TCF4: variants seen among roughly 807,000 people sequenced by gnomAD.
The protein encoded by TCF4 is transcription factor 4.
A neutral mutation model predicts 82.1 loss-of-function variants in TCF4; 3 were observed. The observed-to-expected ratio is 0.04, with a 90% CI of 0.02 to 0.09. TCF4 has a LOEUF of 0.09. Ranked by LOEUF, TCF4 falls within the 10% of genes least tolerant of loss-of-function variation. The probability of loss-of-function intolerance (pLI) is 1.00; values close to 1 mark genes in which losing one functional copy is unlikely to be tolerated. For missense variants in TCF4, 518 were observed against 852.7 expected (o/e 0.61, Z 4.89); for synonymous variants, 276 against 309.6 (o/e 0.89, Z 1.14).
intron 8 of TCF4, among the ~76,000 whole-genome samples, chr18:55,298,026 CT>C (rs1568810135): frequency 6.6e-6 from 1 of 151,908 alleles, no homozygotes; most frequent in South Asian, 2.1e-4. Flanking sequence ...AGTGGACAGT[CT>C]TTTTTTTAAA....
chr18:55,453,883 T>C (rs907422203), intron 5 of TCF4, among the ~76,000 whole-genome samples: 9 of 150,866 alleles, frequency 6.0e-5, no homozygotes, highest in African/African-American at 2.2e-4. Flanking sequence ...CAATGGGGTC[T>C]CTCTCTGTCA....
intron 8 of TCF4, among the ~76,000 whole-genome samples, chr18:55,330,620 C>T (rs1371755682): frequency 6.6e-6 from 1 of 152,104 alleles, no homozygotes; most frequent in East Asian, 1.9e-4. Flanking sequence ...GGCTGGAGTG[C>T]AGTGGTGTGA....
At chr18:55,273,703 C>G (rs2060867986) in intron 10 of TCF4, among the ~76,000 whole-genome samples, 1 of 152,106 alleles carries the variant, frequency 6.6e-6, no homozygotes, top group Non-Finnish European at 1.5e-5. Context: ...AATGAAAATC[C>G]TGTGTTTCGT....
intron 5 of TCF4, among the ~76,000 whole-genome samples, chr18:55,460,508 T>C (rs1173590020): frequency 2.0e-5 from 3 of 152,222 alleles, no homozygotes; most frequent in African/African-American, 7.2e-5. Flanking sequence ...CTAAAGTTCA[T>C]GCCTTGATAA....
rs990627329 is a variant in TCF4, at chr18:55,595,299, G to A, written c.287-8163C>T. 2.0e-5 allele frequency among the ~76,000 whole-genome samples: 3 copies of A among 152,176 alleles called. No homozygotes were observed. The East Asian group carries it at 5.8e-4, about 29-fold the overall frequency. On this transcript the variant is annotated intron_variant, in intron 2 of 20. Transcript: ENST00000398339. Reference sequence around the variant, plus strand: ...CAAAATTCTGCCTTGGCAGGATTACGATTCAATTCACTGTCTTTCCTCAAC... The same window carrying A: ...CAAAATTCTGCCTTGGCAGGATTACAATTCAATTCACTGTCTTTCCTCAAC...
At chr18:55,478,233 T>C (rs1487761810) in intron 3 of TCF4, among the ~76,000 whole-genome samples, 1 of 152,152 alleles carries the variant, frequency 6.6e-6, no homozygotes, top group African/African-American at 2.4e-5. Flanking sequence ...ACTTTAAGAT[T>C]TGTTGTAGGA....
chr18:55,365,173 A>G (rs2145346011), intron 6 of TCF4, among the ~76,000 whole-genome samples: 1 of 127,320 alleles, frequency 7.9e-6, no homozygotes, highest in South Asian at 2.5e-4. Context: ...ATATATATAT[A>G]TATATATATA....
At chr18:55,362,424 AGGAAGGAAGG>A in intron 6 of TCF4, among the ~76,000 whole-genome samples, 1 of 139,800 alleles carries the variant, frequency 7.2e-6, no homozygotes, top group Admixed American at 7.0e-5. Context: ...GAAGGAAGGA[AGGAAGGAAGG>A]AAAAAAAAAA....
intron 6 of TCF4, among the ~76,000 whole-genome samples, chr18:55,392,808 T>C (rs1226290239): frequency 6.6e-6 from 1 of 152,238 alleles, no homozygotes; most frequent in South Asian, 2.1e-4. Context: ...ATATACGATA[T>C]ATACACATAT....
rs2096772345 is a variant in TCF4 at position 55,507,259 on chromosome 18, C to T, written c.146-43122G>A. On this transcript the variant is annotated intron_variant, in intron 3 of 19. Transcript: ENST00000354452. ...AATTGCCAGATTCACTACTTTTGTG[C>T]TTTGGGGCCATAGTTAAGTCAAAAA... Among the ~76,000 whole-genome samples the T allele has an allele frequency of 2.0e-5, 3 of 152,126 alleles. No homozygotes were observed. The South Asian group carries it at 6.2e-4, about 32-fold the overall frequency.
upstream of TCF4, among the ~76,000 whole-genome samples, chr18:55,589,997 G>C (rs562945760): frequency 6.6e-6 from 1 of 152,224 alleles, no homozygotes; most frequent in Non-Finnish European, 1.5e-5. Context: ...GCGTGGGGCG[G>C]CACTGTGGGA....
Position 55,344,025 on chromosome 18 carries a change from C to G in TCF4, c.549+6334G>C, listed in dbSNP as rs41414847. Among the ~76,000 whole-genome samples the G allele has an allele frequency of 6.1e-3, 932 of 152,288 alleles. 9 individuals are homozygous for G. Among genetic ancestry groups the G allele is most frequent in the African/African-American group, 0.021 (893 of 41,578 alleles). ...AAGCAAGTGTCTGTCAACAGCCTGA[C>G]AAGTATGGATTCTGCCTTAAGAAAA... is the stretch of plus-strand genomic sequence containing the variant. On this transcript the variant is annotated intron_variant, in intron 8 of 19. Transcript: ENST00000354452.
intron 5 of TCF4, among the ~76,000 whole-genome samples, chr18:55,410,166 AT>A (rs956522862): frequency 3.3e-5 from 5 of 152,020 alleles, no homozygotes; most frequent in African/African-American, 1.2e-4. Context: ...GCAGTAAACC[AT>A]TTTTTTCTGG....
chr18:55,635,744 C>T (rs1283339353), exon 1 of TCF4: 1 of 1,550,552 alleles, frequency 6.4e-7, no homozygotes, highest in Admixed American at 2.0e-5. Flanking sequence ...CAGTTCTCAA[C>T]CCAAGTGCAT....
At chr18:55,585,881 TCA>T (rs2097639641) in intron 2 of TCF4, 6 of 1,206,102 alleles carry the variant, frequency 5.0e-6, no homozygotes, top group Non-Finnish European at 6.3e-6. Context: ...TCTCTCACTC[TCA>T]CTCTCTCTTT....
rs549338706 is a variant in TCF4 at position 55,484,611 on chromosome 18, G to A, written c.146-20474C>T. On this transcript the variant is annotated intron_variant, in intron 3 of 19. Transcript: ENST00000354452. Reference sequence around the variant, plus strand: ...TGGGGCCCATAAGTAAACTGAGTGCGGGCCTTGGAAACCAGTCCTTGTGTG... The same window carrying A: ...TGGGGCCCATAAGTAAACTGAGTGCAGGCCTTGGAAACCAGTCCTTGTGTG... Among the ~76,000 whole-genome samples the A allele has an allele frequency of 2.8e-4, 42 of 152,256 alleles. No individual in the cohort carries two copies. In the East Asian group the frequency reaches 6.0e-3, roughly 22 times the overall value.
At chr18:55,440,078 T>C (rs1473761694) in intron 5 of TCF4, among the ~76,000 whole-genome samples, 1 of 152,150 alleles carries the variant, frequency 6.6e-6, no homozygotes, top group Non-Finnish European at 1.5e-5. Flanking sequence ...TGTCTGTTTA[T>C]TGGATTTATG....
At chr18:55,261,190 G>A (rs747257817) in intron 12 of TCF4, 2 of 426,550 alleles carry the variant, frequency 4.7e-6, no homozygotes, top group Non-Finnish European at 8.5e-6. Flanking sequence ...TAAGACATCA[G>A]TATAAAAAAC....
chr18:55,350,752 G>A (rs1373043448), intron 7 of TCF4, 122 bp downstream of exon 7: 33 of 1,444,850 alleles, frequency 2.3e-5, no homozygotes, highest in Non-Finnish European at 3.1e-5. Flanking sequence ...TGACAACTGA[G>A]CCAAATTTTA....
Sources: gnomAD v4.1 joint callset for allele counts (sites outside exome capture counted in the v4.1 genomes callset) on GRCh38, gnomAD v4.1.1 for gene constraint, MANE v1.5 for transcripts, NCBI Gene and HGNC (gene_info 2026-07-23, HGNC 2026-07-21) for gene names.